DENND5A: variants seen among roughly 807,000 people sequenced by gnomAD.
DENND5A encodes the protein DENN domain containing 5A, also known as DENN domain-containing protein 5A.
DENND5A carries 64 observed loss-of-function variants against 140.3 expected under a neutral mutation model. The observed-to-expected ratio is 0.46, with a 90% CI of 0.37 to 0.56. The LOEUF (loss-of-function observed/expected upper bound fraction) is 0.56, where lower values mean the gene tolerates loss of function less well. Among genes scored for constraint, DENND5A ranks in the 20% least tolerant of loss-of-function variants. The pLI, the probability that DENND5A is intolerant of heterozygous loss-of-function variation, is 0.00. For missense variants in DENND5A, 1,292 were observed against 1,593.8 expected (o/e 0.81, Z 3.22); for synonymous variants, 605 against 607.7 (o/e 1.00, Z 0.07).
intron 1 of DENND5A, among the ~76,000 whole-genome samples, chr11:9,232,661 G>C (rs529384426): frequency 1.6e-4 from 25 of 152,234 alleles, no homozygotes; most frequent in Admixed American, 1.2e-3. Flanking sequence ...AAACTGTCTG[G>C]CAGCACCTAC....
rs1327985203 is a variant in DENND5A at position 9,265,150 on chromosome 11, GGCCGCCCCTCCCGCC to G, written c.-96_-82del. ...CCGGGCGCCCGCCCGTCCGCCCTCA[GGCCGCCCCTCCCGCC>G]GCCGCCGCTACCGCGGCTCGGGCCG... On this transcript the variant is annotated 5_prime_UTR_variant, in exon 1 of 23. Transcript: ENST00000328194. The surrounding 1 kb of genome is among the most constrained non-coding windows in gnomAD (Gnocchi z 4.7). 2.5e-6 allele frequency: 2 copies of G among 810,428 alleles called. No homozygotes were observed. Among genetic ancestry groups the G allele is most frequent in the South Asian group, 1.1e-4 (2 of 18,026 alleles). The allele number at this position is 810,428 out of a possible 1,614,324, so 50.2% of individuals were successfully genotyped here. A position where few individuals can be genotyped will look rare whatever the true frequency, so the allele number is the denominator to read the frequency against.
intron 2 of DENND5A, 51 bp downstream of exon 2, chr11:9,207,510 G>GT: frequency 7.2e-7 from 1 of 1,384,174 alleles, no homozygotes; most frequent in Non-Finnish European, 1.0e-6. Flanking sequence ...AGAGATATAT[G>GT]TAAGAACCAT....
intron 1 of DENND5A, among the ~76,000 whole-genome samples, chr11:9,219,102 A>G (rs1235204868): frequency 6.6e-6 from 1 of 152,144 alleles, no homozygotes; most frequent in Non-Finnish European, 1.5e-5. Flanking sequence ...AACCCAAATA[A>G]AAGTATACCA....
At chr11:9,205,234 C>T (rs777722436) in intron 3 of DENND5A, among the ~76,000 whole-genome samples, 69 of 152,070 alleles carry the variant, frequency 4.5e-4, no homozygotes, top group South Asian at 1.2e-3. Flanking sequence ...CACTCTAATT[C>T]AGAGGGGTTA....
chr11:9,178,780 G>A, intron 7 of DENND5A, 78 bp downstream of exon 7: 2 of 1,221,346 alleles, frequency 1.6e-6, no homozygotes, highest in Non-Finnish European at 1.2e-6. Flanking sequence ...ACTTCTTCGA[G>A]TAATTTTCCA....
intron 22 of DENND5A, chr11:9,140,181 G>T: frequency 7.3e-7 from 1 of 1,370,680 alleles, no homozygotes; most frequent in Non-Finnish European, 9.6e-7. Flanking sequence ...ATAATAATAA[G>T]CACTAACCTC....
At chr11:9,188,091 C>T (rs1373685902) in intron 5 of DENND5A, among the ~76,000 whole-genome samples, 4 of 152,150 alleles carry the variant, frequency 2.6e-5, no homozygotes, top group African/African-American at 9.7e-5. Flanking sequence ...TAAATTCTCA[C>T]GTGTTGTGGG....
chr11:9,253,588 C>G (rs541852874), intron 1 of DENND5A, among the ~76,000 whole-genome samples: 1 of 151,752 alleles, frequency 6.6e-6, no homozygotes, highest in South Asian at 2.1e-4. Context: ...TGGTGAGAAC[C>G]CATCCCTACA....
intron 4 of DENND5A, among the ~76,000 whole-genome samples, chr11:9,196,097 C>T (rs1849318547): frequency 6.6e-6 from 1 of 152,146 alleles, no homozygotes; most frequent in African/African-American, 2.4e-5. Context: ...GGATTATAGG[C>T]ACGAGCCACC....
At chr11:9,207,222 A>G in intron 2 of DENND5A, 1 of 479,232 alleles carries the variant, frequency 2.1e-6, no homozygotes, top group South Asian at 1.8e-5. Context: ...GGAAAAATAC[A>G]AAGAAATGAA....
chr11:9,190,527 G>A (rs185344827), intron 5 of DENND5A, among the ~76,000 whole-genome samples: 1 of 152,248 alleles, frequency 6.6e-6, no homozygotes, highest in Admixed American at 6.5e-5. Context: ...CATGTAAGAC[G>A]TGACTTGCTC....
rs57932654 is a variant in DENND5A, at chr11:9,228,305, G to C, written c.110-20673C>G. Among the ~76,000 whole-genome samples the C allele has an allele frequency of 3.7e-3, 569 of 152,056 alleles. 6 individuals carry two copies. The highest frequency in any genetic ancestry group is 0.013 in the African/African-American group (549 of 41,480). On this transcript the variant is annotated intron_variant, in intron 1 of 22. Transcript: ENST00000328194. ...AGCTAATAGCTTAAGGATGGTGGCTGGTCACCAGAAAGACCAAGGATGATT... is the reference window on the plus strand; with the variant it reads ...AGCTAATAGCTTAAGGATGGTGGCTCGTCACCAGAAAGACCAAGGATGATT...
At chr11:9,142,231 T>C in intron 21 of DENND5A, 123 bp from the exon 22 acceptor site, 1 of 681,918 alleles carries the variant, frequency 1.5e-6, no homozygotes, top group Non-Finnish European at 2.3e-6. Context: ...ATAGCACAAG[T>C]GTTCTGATGT....
At chr11:9,169,808 G>A in intron 10 of DENND5A, 48 bp downstream of exon 10, 1 of 1,126,998 alleles carries the variant, frequency 8.9e-7, no homozygotes, top group Non-Finnish European at 1.4e-6. Context: ...GAGAAGGAGT[G>A]CACAGCATGA....
intron 1 of DENND5A, among the ~76,000 whole-genome samples, chr11:9,223,556 TA>T (rs1390905273): frequency 2.0e-5 from 3 of 149,944 alleles, no homozygotes; most frequent in South Asian, 4.2e-4. Flanking sequence ...ATTAATTAAT[TA>T]AAAAAATTAA....
chr11:9,167,431 T>G (rs111886099), intron 10 of DENND5A, among the ~76,000 whole-genome samples: 1,574 of 147,954 alleles, frequency 0.011, 29 homozygotes, highest in African/African-American at 0.037. Context: ...TGCCATGTCC[T>G]CTACTTGAAA....
intron 1 of DENND5A, among the ~76,000 whole-genome samples, chr11:9,233,540 C>T (rs1850867421): frequency 6.6e-6 from 1 of 151,856 alleles, no homozygotes. Flanking sequence ...AAGGATCTTA[C>T]AGATGTAGTC....
intron 4 of DENND5A, among the ~76,000 whole-genome samples, chr11:9,196,393 G>T (rs1406751510): frequency 6.6e-6 from 1 of 152,062 alleles, no homozygotes; most frequent in Non-Finnish European, 1.5e-5. Context: ...GCAAAACAAT[G>T]ATTAGTATGC....
intron 1 of DENND5A, among the ~76,000 whole-genome samples, chr11:9,231,217 A>T (rs1284744454): frequency 2.0e-5 from 3 of 152,200 alleles, no homozygotes; most frequent in Admixed American, 6.5e-5. Context: ...AAGTTACCAA[A>T]TGTTTCCTAA....
Sources: allele counts gnomAD v4.1 joint callset (sites outside exome capture counted in the v4.1 genomes callset), GRCh38; gene constraint gnomAD v4.1.1; non-coding constraint Gnocchi (gnomAD v3.1); transcripts MANE v1.5; gene names NCBI Gene and HGNC (gene_info 2026-07-23, HGNC 2026-07-21).